The following RBSN variants were observed in gnomAD, a reference collection of about 807,000 sequenced individuals.
The protein encoded by RBSN is rabenosyn, RAB effector, also known as rabenosyn-5.
RBSN carries 34 observed loss-of-function variants against 60.5 expected under a neutral mutation model. The ratio of observed to expected loss-of-function variants is 0.56; its 90% CI spans 0.43 to 0.75. The LOEUF (loss-of-function observed/expected upper bound fraction) is 0.75. Among genes scored for constraint, RBSN ranks in the 30% least tolerant of loss-of-function variants. RBSN has a pLI of 0.00. For missense variants in RBSN, 845 were observed against 986.8 expected (o/e 0.86, Z 1.92); for synonymous variants, 322 against 366.9 (o/e 0.88, Z 1.40).
At chr3:15,078,032 C>T (rs1438056920) in intron 11 of RBSN, 43 bp downstream of exon 11, 1 of 1,540,964 alleles carries the variant, frequency 6.5e-7, no homozygotes, top group African/African-American at 1.4e-5. Context: ...ACAGCATCTT[C>T]TCCATTCCAC....
Position 15,077,020 on chromosome 3 carries a change from C to A in RBSN, c.1101+42G>T, listed in dbSNP as rs754844313. On this transcript the variant is annotated intron_variant, in intron 12 of 13. Transcript: ENST00000253699. This position sits in a 1 kb window ranked among gnomAD's most constrained non-coding sequence, Gnocchi z 4.4. ...CCTCCTGGGAAGCAAAAGAGCAGGA[C>A]AGGCCAAGTGCAACATTTATGCCAA... 1.9e-6 allele frequency: 3 copies of A among 1,561,226 alleles called. No individual in the cohort carries two copies. In the African/African-American group the frequency reaches 4.1e-5, roughly 21 times the overall value.
chr3:15,073,741 T>G lies in RBSN; in HGVS notation c.*41A>C, dbSNP rs747846912. On this transcript the variant is annotated 3_prime_UTR_variant, in exon 14 of 14. Coordinates refer to ENST00000253699, the MANE Select transcript of RBSN (RefSeq NM_022340.4). ...CCCTCTGTCCTGCTCCACTGGCTCC[T>G]GCCAGACCCCTGGGCCCAAAGGTGC... 6.4e-7 allele frequency: 1 copy of G among 1,559,250 alleles called. No individual in the cohort carries two copies. Among genetic ancestry groups the G allele is most frequent in the Admixed American group, 1.8e-5 (1 of 55,310 alleles).
At chr3:15,089,456 CAAAAAAA>C (rs757156425) in intron 5 of RBSN, among the ~76,000 whole-genome samples, 1,236 of 31,362 alleles carry the variant, frequency 0.039, 18 homozygotes, top group African/African-American at 0.12. Context: ...ACTCCATCTC[CAAAAAAA>C]AAAAAAAAAA....
chr3:15,091,262 A>C (rs1354935676), intron 4 of RBSN: 1 of 608,274 alleles, frequency 1.6e-6, no homozygotes, highest in Admixed American at 6.4e-5. Context: ...CAGTTAAAAT[A>C]ATGTTTTTTA....
intron 8 of RBSN, among the ~76,000 whole-genome samples, chr3:15,083,853 T>C (rs1436191586): frequency 6.6e-6 from 1 of 152,154 alleles, no homozygotes; most frequent in Non-Finnish European, 1.5e-5. Context: ...CACTTGCCAC[T>C]TCCAAGCAGA....
intron 5 of RBSN, 129 bp from the exon 6 acceptor site, chr3:15,086,090 C>CAAA: frequency 6.1e-6 from 1 of 163,038 alleles, no homozygotes; most frequent in Non-Finnish European, 1.1e-5. Context: ...CCGTCTCTCT[C>CAAA]CAAAAAAAAA....
At chr3:15,079,165 T>C (rs1332745618) in intron 10 of RBSN, among the ~76,000 whole-genome samples, 1 of 152,192 alleles carries the variant, frequency 6.6e-6, no homozygotes, top group African/African-American at 2.4e-5. Flanking sequence ...ACAGTCTCTG[T>C]TGCTGCTATT....
At chr3:15,080,669 A>ATT in intron 10 of RBSN, 63 bp downstream of exon 10, 1 of 1,514,878 alleles carries the variant, frequency 6.6e-7, no homozygotes, top group Non-Finnish European at 9.1e-7. Flanking sequence ...CTACTGGAGA[A>ATT]TTGACCTAAA....
intron 5 of RBSN, among the ~76,000 whole-genome samples, chr3:15,089,479 A>AAAAAAAAAAAAAAAC (rs2043447184): frequency 2.0e-4 from 21 of 104,032 alleles, no homozygotes; most frequent in African/African-American, 2.7e-4. Context: ...AAAAAAAAAC[A>AAAAAAAAAAAAAAAC]AAAAAAAAAA....
intron 6 of RBSN, 78 bp from the exon 7 acceptor site, chr3:15,085,123 G>A: frequency 6.6e-7 from 1 of 1,522,080 alleles, no homozygotes; most frequent in Non-Finnish European, 9.0e-7. Context: ...TACATCAAGT[G>A]GGAAATTAGC....
At chr3:15,076,412 G>C (rs367595443) in intron 12 of RBSN, among the ~76,000 whole-genome samples, 3 of 151,658 alleles carry the variant, frequency 2.0e-5, no homozygotes, top group African/African-American at 7.3e-5. Flanking sequence ...ACCAGCCTGC[G>C]CAACATGGTA....
rs1360481500 is a variant in RBSN at position 15,096,229 on chromosome 3, ATGG to A, written c.-112_-110del. 3.3e-5 allele frequency: 41 copies of A among 1,225,396 alleles called. No homozygotes were observed. The Admixed American group carries it at 1.1e-3, about 33-fold the overall frequency. 75.9% of individuals were successfully genotyped at this position (1,225,396 alleles called of 1,614,324 possible). ...CAGCATTAGCTTAAGCAGCACACAG[ATGG>A]TGAGGAAGTGGCTTCATGGCCCTGG... is the stretch of plus-strand genomic sequence containing the variant. On this transcript the variant is annotated 5_prime_UTR_variant, in exon 4 of 14. Coordinates refer to ENST00000253699, the MANE Select transcript of RBSN (RefSeq NM_022340.4).
At position 15,074,108 on chromosome 3, in the gene RBSN, T is replaced by G. The variant is rs200826457; in HGVS notation, c.2029A>C (p.Asn677His). 6.2e-7 allele frequency: 1 copy of G among 1,614,048 alleles called. No homozygotes were observed. The highest frequency in any genetic ancestry group is 8.5e-7 in the Non-Finnish European group (1 of 1,179,990). Residue 677 changes from asparagine (N) to histidine (H), a missense_variant, in exon 14 of 14, where the codon AAT becomes CAT. Transcript: ENST00000253699. This position sits in a 1 kb window ranked among gnomAD's most constrained non-coding sequence, Gnocchi z 6.4. ...GGGCTGTCTGGCTGAATGAATGGATTCCCTGCCACTGCTTCCTCCTCCTCG... is the reference window on the plus strand; with the variant it reads ...GGGCTGTCTGGCTGAATGAATGGATGCCCTGCCACTGCTTCCTCCTCCTCG... ...EDEEEEAVAG[N>H]PFIQPDSPAP...
chr3:15,078,823 T>TAC (rs1474266390), intron 10 of RBSN, among the ~76,000 whole-genome samples: 64 of 109,236 alleles, frequency 5.9e-4, no homozygotes, highest in African/African-American at 1.4e-3. Flanking sequence ...TATATATATA[T>TAC]ACATGGTTTT....
intron 13 of RBSN, chr3:15,075,219 C>CCA: frequency 2.1e-6 from 1 of 469,444 alleles, no homozygotes; most frequent in Non-Finnish European, 3.8e-6. Context: ...AAGGTCTGTT[C>CCA]CCCTCATCTA....
chr3:15,092,532 C>T (rs1282106412), intron 4 of RBSN, among the ~76,000 whole-genome samples: 1 of 152,088 alleles, frequency 6.6e-6, no homozygotes, highest in East Asian at 1.9e-4. Flanking sequence ...CCTCAGCCTC[C>T]CGAGTAGCTG....
Position 15,084,663 on chromosome 3 carries a change from C to T in RBSN, c.598+72G>A. The T allele has an allele frequency of 6.7e-7, 1 of 1,493,022 alleles. No homozygotes were observed. 92.5% of individuals were successfully genotyped at this position (1,493,022 alleles called of 1,614,324 possible). A position where few individuals can be genotyped will look rare whatever the true frequency, so the allele number is the denominator to read the frequency against. On this transcript the variant is annotated intron_variant, in intron 8 of 13. Transcript: ENST00000253699. This position sits in a 1 kb window ranked among gnomAD's most constrained non-coding sequence, Gnocchi z 4.2. ...ATTTAACAAAAAGGTTCCACGATCCCAGTGGTAATTAGCAAATAAGCTAGG... is the reference window on the plus strand; with the variant it reads ...ATTTAACAAAAAGGTTCCACGATCCTAGTGGTAATTAGCAAATAAGCTAGG...
At chr3:15,095,766 G>T in intron 4 of RBSN, 1 of 640,410 alleles carries the variant, frequency 1.6e-6, no homozygotes, top group South Asian at 2.1e-5. Flanking sequence ...TTCGAAATGT[G>T]GCTTACAGCC....
chr3:15,094,383 G>A lies in RBSN; in HGVS notation c.148+1590C>T, dbSNP rs556988651. Among the ~76,000 whole-genome samples, 12 of 152,326 alleles carry A rather than the reference G, an allele frequency of 7.9e-5. No individual in the cohort carries two copies. In the East Asian group the frequency reaches 9.6e-4, roughly 12 times the overall value. On this transcript the variant is annotated intron_variant, in intron 4 of 13. Coordinates refer to ENST00000253699, the MANE Select transcript of RBSN (RefSeq NM_022340.4). ...GGCCTCTCACCCTCAGTGATGTCAC[G>A]TGCAAAGGGCAGCACTGGATTTACA... is the stretch of plus-strand genomic sequence containing the variant.
Sources: gnomAD v4.1 joint callset for allele counts (sites outside exome capture counted in the v4.1 genomes callset) on GRCh38, gnomAD v4.1.1 for gene constraint, Gnocchi (gnomAD v3.1) non-coding constraint, MANE v1.5 for transcripts, NCBI Gene and HGNC (gene_info 2026-07-23, HGNC 2026-07-21) for gene names.